The following ITGAE variants were observed in gnomAD, a reference collection of about 807,000 sequenced individuals.
ITGAE encodes integrin subunit alpha E.
In ITGAE, 99 loss-of-function variants were observed where a neutral mutation model predicts 136.5. That is an observed-to-expected ratio of 0.73 (90% CI 0.62 to 0.86). The LOEUF is 0.86. ITGAE is among the 40% of genes least tolerant of loss of function. The probability of loss-of-function intolerance (pLI) is 0.00; values close to 1 mark genes in which losing one functional copy is unlikely to be tolerated. For missense variants in ITGAE, 1,447 were observed against 1,515.3 expected, an observed-to-expected ratio of 0.95 and a Z score of 0.75; for synonymous variants, 613 against 591.8, an observed-to-expected ratio of 1.04 and a Z score of -0.52.
chr17:3,729,871 A>AGT (rs1182143745), intron 23 of ITGAE, among the ~76,000 whole-genome samples: 1 of 152,172 alleles, frequency 6.6e-6, no homozygotes, highest in East Asian at 1.9e-4. Flanking sequence ...CTGGGATTAC[A>AGT]GGCGTGAGCC....
At chr17:3,759,582 G>GGCAGGAGT in intron 7 of ITGAE, 29 bp from the exon 8 acceptor site, 1 of 1,595,192 alleles carries the variant, frequency 6.3e-7, no homozygotes, top group Non-Finnish European at 8.6e-7. Flanking sequence ...AGGGCAGGAG[G>GGCAGGAGT]TTGGAAGAAT....
intron 2 of ITGAE, among the ~76,000 whole-genome samples, chr17:3,774,692 G>A (rs2143276166): frequency 6.6e-6 from 1 of 152,272 alleles, no homozygotes; most frequent in African/African-American, 2.4e-5. Context: ...TTGAACCCAG[G>A]AGGCGGAGGT....
rs1188115925 is a variant in ITGAE at position 3,759,456 on chromosome 17, T to C, written c.812A>G (p.Asn271Ser). ...DVMASLARVQ[N>S]ITQVGSVTKT... ...GGTGACACTCCCCACTTGAGTGATG[T>C]TCTGGACTCTGGCGAGGGAGGCCAT... The change falls in exon 8 of 31, where the codon AAC becomes AGC. Residue 271 changes from asparagine (N) to serine (S), a missense_variant. Physicochemically the swap from Asn to Ser is conservative, Grantham distance 46. Coordinates refer to ENST00000263087, the MANE Select transcript of ITGAE (RefSeq NM_002208.5). The C allele has an allele frequency of 1.2e-6, 2 of 1,614,050 alleles. No homozygotes were observed. Among genetic ancestry groups the C allele is most frequent in the South Asian group, 2.2e-5 (2 of 91,092 alleles).
At chr17:3,795,937 G>GTA (rs1328269901) in intron 1 of ITGAE, among the ~76,000 whole-genome samples, 8 of 150,324 alleles carry the variant, frequency 5.3e-5, no homozygotes, top group African/African-American at 2.0e-4. Context: ...ATCCGTGTGT[G>GTA]TGCATCCGTG....
At chr17:3,801,047 T>C (rs2143584329) in intron 1 of ITGAE, 64 bp downstream of exon 1, 2 of 1,573,290 alleles carry the variant, frequency 1.3e-6, no homozygotes, top group East Asian at 2.2e-5. Context: ...GGCTGTAGTC[T>C]GCAGACACCT....
intron 1 of ITGAE, among the ~76,000 whole-genome samples, chr17:3,796,080 CCT>C (rs1491310018): frequency 6.5e-5 from 6 of 91,856 alleles, no homozygotes; most frequent in Non-Finnish European, 8.7e-5. Context: ...TTTGTGCATC[CCT>C]GTGTATGCAT....
chr17:3,767,240 G>A (rs1450994527), intron 2 of ITGAE, among the ~76,000 whole-genome samples: 1 of 152,046 alleles, frequency 6.6e-6, no homozygotes, highest in East Asian at 1.9e-4. Context: ...GCGATTACAG[G>A]CGCCCGCCAC....
chr17:3,763,378 T>A (rs182013796), intron 3 of ITGAE, among the ~76,000 whole-genome samples: 1 of 152,066 alleles, frequency 6.6e-6, no homozygotes, highest in African/African-American at 2.4e-5. Context: ...TCAGGCCCCA[T>A]GCTAGTTACT....
intron 1 of ITGAE, among the ~76,000 whole-genome samples, chr17:3,800,209 C>A (rs1346092473): frequency 1.3e-5 from 2 of 152,222 alleles, no homozygotes; most frequent in Non-Finnish European, 2.9e-5. Context: ...TGGCCTGCTT[C>A]CTGGGTGATC....
At chr17:3,719,752 G>A (rs1419040695) in intron 29 of ITGAE, among the ~76,000 whole-genome samples, 3 of 126,510 alleles carry the variant, frequency 2.4e-5, no homozygotes, top group Non-Finnish European at 4.4e-5. Context: ...TTTTGAGACT[G>A]AGTCTCACTC....
chr17:3,721,861 C>A (rs2051058077), intron 28 of ITGAE: 1 of 151,774 alleles, frequency 6.6e-6, no homozygotes, highest in African/African-American at 2.4e-5. Context: ...GCCTGACCAA[C>A]ACGATGAAAC....
chr17:3,769,830 C>T (rs911301893), intron 2 of ITGAE, among the ~76,000 whole-genome samples: 5 of 151,958 alleles, frequency 3.3e-5, no homozygotes, highest in Admixed American at 2.0e-4. Flanking sequence ...GCTGGGATTA[C>T]AGGCATGTGC....
At chr17:3,724,736 A>G in intron 26 of ITGAE, 2 of 1,614,226 alleles carry the variant, frequency 1.2e-6, no homozygotes, top group Non-Finnish European at 1.7e-6. Flanking sequence ...AGAATATGAG[A>G]GAGTCCTGCT....
At chr17:3,719,234 T>TAAAA (rs2050999265) in intron 29 of ITGAE, among the ~76,000 whole-genome samples, 2 of 34,820 alleles carry the variant, frequency 5.7e-5, no homozygotes, top group African/African-American at 2.4e-4. Context: ...AGATTCTTCC[T>TAAAA]CAAAAAAAAA....
intron 20 of ITGAE, 79 bp downstream of exon 20, chr17:3,739,726 G>T: frequency 1.7e-6 from 2 of 1,165,324 alleles, no homozygotes; most frequent in African/African-American, 1.5e-5. Context: ...GATGTGCAGG[G>T]TGTCCTAATG....
intron 1 of ITGAE, among the ~76,000 whole-genome samples, chr17:3,790,113 C>T (rs369364606): frequency 6.6e-6 from 1 of 152,080 alleles, no homozygotes; most frequent in African/African-American, 2.4e-5. Flanking sequence ...GATCTAAGGG[C>T]CCAAGACTAC....
intron 1 of ITGAE, among the ~76,000 whole-genome samples, chr17:3,778,153 A>G (rs73318145): frequency 0.063 from 9,515 of 152,156 alleles, 385 homozygotes; most frequent in African/African-American, 0.11. Flanking sequence ...CAAACAACCC[A>G]AATGTCCATC....
At chr17:3,777,500 C>T (rs377316837) in intron 2 of ITGAE, 40 bp downstream of exon 2, 8 of 1,567,008 alleles carry the variant, frequency 5.1e-6, no homozygotes, top group African/African-American at 4.1e-5. Flanking sequence ...GCCTGGAAGC[C>T]CCTCAGTCTG....
At chr17:3,765,419 A>G (rs2052275912) in intron 2 of ITGAE, among the ~76,000 whole-genome samples, 1 of 151,872 alleles carries the variant, frequency 6.6e-6, no homozygotes, top group East Asian at 1.9e-4. Flanking sequence ...GAGCACAGGA[A>G]GGTGGGGCAG....
Sources: gnomAD v4.1 joint callset for allele counts (sites outside exome capture counted in the v4.1 genomes callset) on GRCh38, gnomAD v4.1.1 for gene constraint, MANE v1.5 for transcripts, NCBI Gene and HGNC (gene_info 2026-07-23, HGNC 2026-07-21) for gene names.